NR6A1: variants seen among roughly 807,000 people sequenced by gnomAD.
NR6A1 encodes the protein nuclear receptor subfamily 6 group A member 1.
A neutral mutation model predicts 59.1 loss-of-function variants in NR6A1; 7 were observed. The observed-to-expected ratio is 0.12, with a 90% CI of 0.07 to 0.22. NR6A1 has a LOEUF of 0.22. Among genes scored for constraint, NR6A1 ranks in the 10% least tolerant of loss-of-function variants. The probability of loss-of-function intolerance (pLI) is 1.00; values close to 1 mark genes in which losing one functional copy is unlikely to be tolerated. For synonymous variants in NR6A1, 243 were observed against 236.1 expected (o/e 1.03, Z -0.27); for missense variants, 468 against 611.6 (o/e 0.77, Z 2.48).
At chr9:124,544,212 C>T (rs1833530698) in intron 3 of NR6A1, among the ~76,000 whole-genome samples, 1 of 152,184 alleles carries the variant, frequency 6.6e-6, no homozygotes, top group Non-Finnish European at 1.5e-5. Context: ...AGAGTATTTC[C>T]ATTTTTAAAT....
intron 2 of NR6A1, among the ~76,000 whole-genome samples, chr9:124,568,785 G>T (rs1481460002): frequency 1.3e-5 from 2 of 151,734 alleles, no homozygotes; most frequent in Non-Finnish European, 2.9e-5. Context: ...GTGAAGGTGG[G>T]GGAAGAGAAG....
chr9:124,725,786 G>C (rs1399778939), intron 2 of NR6A1, among the ~76,000 whole-genome samples: 3 of 152,086 alleles, frequency 2.0e-5, no homozygotes, highest in African/African-American at 7.2e-5. Flanking sequence ...CAACTTAAGA[G>C]AAAAATACCA....
rs577417469 is a variant in NR6A1 at position 124,643,371 on chromosome 9, C to T, written c.143-88801G>A. Among the ~76,000 whole-genome samples, 28 of 152,002 alleles carry T rather than the reference C, an allele frequency of 1.8e-4. No homozygotes were observed. In the East Asian group the frequency reaches 5.0e-3, roughly 27 times the overall value. ...ATCCCAGCACTCTGAGAGGCTGAGG[C>T]GGGTGGATCACTTGAGCCCAGGAGT... On this transcript the variant is annotated intron_variant, in intron 2 of 9. Coordinates refer to ENST00000487099, the MANE Select transcript of NR6A1 (RefSeq NM_033334.4).
At chr9:124,634,097 C>A (rs1004068632) in intron 2 of NR6A1, among the ~76,000 whole-genome samples, 2 of 152,080 alleles carry the variant, frequency 1.3e-5, no homozygotes, top group African/African-American at 4.8e-5. Flanking sequence ...GTCAGCCTGT[C>A]ATGATAAATA....
chr9:124,703,168 G>A (rs1839016459), intron 2 of NR6A1, among the ~76,000 whole-genome samples: 1 of 148,990 alleles, frequency 6.7e-6, no homozygotes. Context: ...GCCTCCCAAA[G>A]TGCTGAGATT....
chr9:124,533,583 T>TG (rs1457273982), intron 7 of NR6A1, among the ~76,000 whole-genome samples: 1 of 151,960 alleles, frequency 6.6e-6, no homozygotes, highest in Non-Finnish European at 1.5e-5. Flanking sequence ...GAGGGGGAGA[T>TG]GGATCCCAGT....
chr9:124,563,972 G>C (rs965051461), intron 2 of NR6A1, among the ~76,000 whole-genome samples: 12 of 152,014 alleles, frequency 7.9e-5, no homozygotes, highest in Admixed American at 6.6e-4. Flanking sequence ...TAGCTACCTG[G>C]GATACTGAGG....
At chr9:124,659,284 AGCGGGGGG>A (rs1403837786) in intron 2 of NR6A1, among the ~76,000 whole-genome samples, 10 of 123,240 alleles carry the variant, frequency 8.1e-5, no homozygotes, top group African/African-American at 3.1e-4. Flanking sequence ...CAGGGGCGGG[AGCGGGGGG>A]GCGGGTAGGG....
intron 2 of NR6A1, among the ~76,000 whole-genome samples, chr9:124,646,586 T>C (rs1325176241): frequency 6.6e-6 from 1 of 152,194 alleles, no homozygotes; most frequent in South Asian, 2.1e-4. Flanking sequence ...TAAGCTTCCC[T>C]GGGCCACATT....
chr9:124,555,652 T>C (rs544661962), intron 2 of NR6A1, among the ~76,000 whole-genome samples: 1 of 152,194 alleles, frequency 6.6e-6, no homozygotes, highest in Non-Finnish European at 1.5e-5. Flanking sequence ...CACATCATTA[T>C]ACCATGAATT....
At chr9:124,531,978 C>T (rs972422170) in intron 7 of NR6A1, among the ~76,000 whole-genome samples, 1 of 152,338 alleles carries the variant, frequency 6.6e-6, no homozygotes, top group East Asian at 1.9e-4. Context: ...CCATCCTGAA[C>T]TTTACTGCCA....
At chr9:124,639,758 T>C (rs1234925883) in intron 2 of NR6A1, among the ~76,000 whole-genome samples, 2 of 152,208 alleles carry the variant, frequency 1.3e-5, no homozygotes. Context: ...AGATGAGCAC[T>C]GAGAATTTAA....
intron 2 of NR6A1, among the ~76,000 whole-genome samples, chr9:124,576,433 G>A (rs569670568): frequency 6.6e-5 from 10 of 152,174 alleles, no homozygotes; most frequent in Admixed American, 2.6e-4. Flanking sequence ...GACTACAGGC[G>A]CGTGCCACCA....
Position 124,540,734 on chromosome 9 carries a change from G to A in NR6A1, c.442-547C>T, listed in dbSNP as rs542471765. 3.3e-5 allele frequency among the ~76,000 whole-genome samples: 5 copies of A among 152,308 alleles called. No individual in the cohort carries two copies. In the South Asian group the frequency reaches 8.3e-4, roughly 25 times the overall value. On this transcript the variant is annotated intron_variant, in intron 4 of 9. Coordinates refer to ENST00000487099, the MANE Select transcript of NR6A1 (RefSeq NM_033334.4). Reference sequence around the variant, plus strand: ...GATTCTGGCCTAAGCTCAGAAGATTGAGGCTGTAGTGAGCCATGATTGCAC... The same window carrying A: ...GATTCTGGCCTAAGCTCAGAAGATTAAGGCTGTAGTGAGCCATGATTGCAC...
intron 2 of NR6A1, among the ~76,000 whole-genome samples, chr9:124,649,718 T>C (rs1383914507): frequency 6.6e-6 from 1 of 151,978 alleles, no homozygotes; most frequent in Admixed American, 6.6e-5. Flanking sequence ...TGACAAGAGA[T>C]GAATAACTAA....
chr9:124,728,265 G>A (rs745981454), intron 2 of NR6A1, among the ~76,000 whole-genome samples: 9 of 151,724 alleles, frequency 5.9e-5, no homozygotes, highest in Admixed American at 3.3e-4. Context: ...TCCTGACCTC[G>A]TGATCCACCC....
At chr9:124,529,447 T>C (rs992238692) in intron 7 of NR6A1, among the ~76,000 whole-genome samples, 4 of 152,152 alleles carry the variant, frequency 2.6e-5, no homozygotes, top group East Asian at 1.9e-4. Flanking sequence ...GAAGGATACA[T>C]AGTAAGTATC....
chr9:124,566,851 G>A (rs1241820459), intron 2 of NR6A1, among the ~76,000 whole-genome samples: 5 of 152,216 alleles, frequency 3.3e-5, no homozygotes, highest in East Asian at 1.9e-4. Flanking sequence ...GCTCACGCCT[G>A]TAATCCCAGC....
chr9:124,710,692 T>A (rs1476278982), intron 2 of NR6A1, among the ~76,000 whole-genome samples: 1 of 152,210 alleles, frequency 6.6e-6, no homozygotes, highest in Admixed American at 6.5e-5. Context: ...TGACTATTAA[T>A]ACAATTCAAT....
Sources: gnomAD v4.1 joint callset for allele counts (sites outside exome capture counted in the v4.1 genomes callset) on GRCh38, gnomAD v4.1.1 for gene constraint, MANE v1.5 for transcripts, NCBI Gene and HGNC (gene_info 2026-07-23, HGNC 2026-07-21) for gene names.